The following DOP1B variants were observed in gnomAD, a reference collection of about 807,000 sequenced individuals.
The protein encoded by DOP1B is DOP1 leucine zipper like protein B.
Under a neutral mutation model 233.5 loss-of-function variants are expected in DOP1B, and 174 were observed. The ratio of observed to expected loss-of-function variants is 0.75; its 90% CI spans 0.66 to 0.85. The LOEUF (loss-of-function observed/expected upper bound fraction) is 0.85. Ranked by LOEUF, DOP1B falls within the 40% of genes least tolerant of loss-of-function variation. DOP1B has a pLI of 0.00. For synonymous variants in DOP1B, 1,190 were observed against 1,185.6 expected (o/e 1.00, Z -0.08); for missense variants, 2,652 against 2,846.6 (o/e 0.93, Z 1.56).
At chr21:36,256,391 T>TG (rs2067097591) in intron 23 of DOP1B, among the ~76,000 whole-genome samples, 1 of 152,072 alleles carries the variant, frequency 6.6e-6, no homozygotes, top group Admixed American at 6.6e-5. Flanking sequence ...CAGTGAGCTA[T>TG]GATTGAGCCA....
rs888356867 is a variant in DOP1B at position 36,222,223 on chromosome 21, A to G, written c.1251-1008A>G. On this transcript the variant is annotated intron_variant, in intron 10 of 36. Coordinates refer to ENST00000691173, the MANE Select transcript of DOP1B (RefSeq NM_001320714.2). ...TAGTGGTACACTTCTGCACACATCT[A>G]TGTAGCTGTGCAGGGATTTCGGTAG... Among the ~76,000 whole-genome samples, 8 of 152,140 alleles carry G rather than the reference A, an allele frequency of 5.3e-5. No individual in the cohort carries two copies. In the South Asian group the frequency reaches 1.5e-3, roughly 28 times the overall value.
chr21:36,270,255 G>T, intron 27 of DOP1B, 98 bp downstream of exon 27: 3 of 1,409,132 alleles, frequency 2.1e-6, no homozygotes, highest in Non-Finnish European at 2.9e-6. Context: ...CAAAAAGAAA[G>T]AAAGTACTTA....
Position 36,245,635 on chromosome 21 carries a change from G to T in DOP1B, c.3655G>T (p.Glu1219Ter). The part of the protein sequence containing the change: ...RLLKQQRERQ[E>*]AVEALFKHIL... Reference sequence around the variant, plus strand: ...GCTAAAGCAGCAGCGGGAAAGGCAGGAGGCCGTCGAGGCCTTGTTCAAGCA... The same window carrying T: ...GCTAAAGCAGCAGCGGGAAAGGCAGTAGGCCGTCGAGGCCTTGTTCAAGCA... The change falls in exon 19 of 37, where the codon GAG becomes TAG. Residue 1219 changes from glutamate (E) to a stop codon, truncating the protein, a stop_gained. Coordinates refer to ENST00000691173, the MANE Select transcript of DOP1B (RefSeq NM_001320714.2). LOFTEE classifies it high-confidence loss of function. This position sits in a 1 kb window ranked among gnomAD's most constrained non-coding sequence, Gnocchi z 5.5. 1 of 1,613,386 alleles carries T rather than the reference G, an allele frequency of 6.2e-7. No individual in the cohort carries two copies. Among genetic ancestry groups the T allele is most frequent in the Non-Finnish European group, 8.5e-7 (1 of 1,179,958 alleles).
At chr21:36,237,204 G>T in intron 15 of DOP1B, 58 bp from the exon 16 acceptor site, 1 of 1,608,950 alleles carries the variant, frequency 6.2e-7, no homozygotes, top group South Asian at 1.1e-5. Context: ...GTGAGGATGT[G>T]AGCGGATGTT....
intron 2 of DOP1B, chr21:36,169,029 TCTC>T: frequency 2.4e-6 from 2 of 839,678 alleles, no homozygotes; most frequent in South Asian, 2.6e-5. Context: ...AATGCTTTCT[TCTC>T]CTCCATGGTC....
At chr21:36,209,182 C>T (rs1432170937) in intron 5 of DOP1B, among the ~76,000 whole-genome samples, 1 of 152,222 alleles carries the variant, frequency 6.6e-6, no homozygotes, top group Non-Finnish European at 1.5e-5. Flanking sequence ...GGTGCAGTGG[C>T]ACAACCTCGA....
intron 24 of DOP1B, among the ~76,000 whole-genome samples, chr21:36,263,105 A>G (rs1040767247): frequency 6.6e-6 from 1 of 151,934 alleles, no homozygotes; most frequent in Non-Finnish European, 1.5e-5. Context: ...GTGGTGGCAC[A>G]TGCCTGTAAT....
intron 11 of DOP1B, among the ~76,000 whole-genome samples, chr21:36,225,285 A>C (rs904984552): frequency 6.6e-6 from 1 of 150,582 alleles, no homozygotes; most frequent in Non-Finnish European, 1.5e-5. Flanking sequence ...GCTGGAGTGC[A>C]GTGGTGCGAT....
At chr21:36,233,125 C>G (rs928155632) in intron 15 of DOP1B, 50 bp downstream of exon 15, 1 of 1,581,964 alleles carries the variant, frequency 6.3e-7, no homozygotes, top group Admixed American at 1.8e-5. Context: ...TCCCCCTGAG[C>G]AAAACTCAGA....
Position 36,245,935 on chromosome 21 carries a change from T to A in DOP1B, c.3955T>A (p.Cys1319Ser), listed in dbSNP as rs1179455870. 6.2e-7 allele frequency: 1 copy of A among 1,613,952 alleles called. No homozygotes were observed. Among genetic ancestry groups the A allele is most frequent in the Non-Finnish European group, 8.5e-7 (1 of 1,180,012 alleles). ...SLLLELLTYL[C>S]LSFLRSYYPC... is the part of the protein sequence containing the mutation. ...GCTCCTGGAGCTGCTCACCTACCTCTGCCTGAGCTTCCTGCGCTCCTACTA... is the reference window on the plus strand; with the variant it reads ...GCTCCTGGAGCTGCTCACCTACCTCAGCCTGAGCTTCCTGCGCTCCTACTA... The change falls in exon 19 of 37, where the codon TGC becomes AGC. Residue 1319 changes from cysteine (C) to serine (S), a missense_variant. Around this residue, in one of 3 missense-constraint regions of DOP1B, gnomAD observed 2,617 missense variants for 2,794.3 expected, o/e 0.94. Transcript: ENST00000691173. The surrounding 1 kb of genome is among the most constrained non-coding windows in gnomAD (Gnocchi z 5.5).
chr21:36,280,580 A>G (rs911253915), intron 31 of DOP1B, among the ~76,000 whole-genome samples: 3 of 152,214 alleles, frequency 2.0e-5, no homozygotes, highest in African/African-American at 4.8e-5. Flanking sequence ...TAGTGGAGAA[A>G]TACTGCCGAA....
At position 36,248,425 on chromosome 21, in the gene DOP1B, G is replaced by A; in HGVS notation, c.4855G>A (p.Ala1619Thr). ...TGCCAACTTGAGGAATGCCAGAAAT[G>A]CCATTTTGGAAGAGCTGCCTCGAAC... is the stretch of plus-strand genomic sequence containing the variant. ...DPANLRNARN[A>T]ILEELPRTVN... Residue 1619 changes from alanine to threonine, a missense_variant, in exon 21 of 37, where the codon GCC (alanine) becomes ACC (threonine). By Grantham distance (58) the Ala-to-Thr change is moderately conservative. This residue lies in a region of DOP1B where 2,617 missense variants were observed against 2,794.3 expected (regional missense o/e 0.94). Coordinates refer to ENST00000691173, the MANE Select transcript of DOP1B (RefSeq NM_001320714.2). 1 of 1,613,926 alleles carries A rather than the reference G, an allele frequency of 6.2e-7. No individual in the cohort carries two copies. Among genetic ancestry groups the A allele is most frequent in the Non-Finnish European group, 8.5e-7 (1 of 1,179,898 alleles).
At chr21:36,260,387 C>T (rs1012274510) in intron 23 of DOP1B, among the ~76,000 whole-genome samples, 1 of 152,120 alleles carries the variant, frequency 6.6e-6, no homozygotes, top group Non-Finnish European at 1.5e-5. Flanking sequence ...AGTTCGGTTA[C>T]AGTGCCAATT....
Position 36,245,892 on chromosome 21 carries a change from C to T in DOP1B, c.3912C>T (p.Asn1304=), listed in dbSNP as rs140969295. ...GAAAGCTCCAGACCCAGGTCCCCAACGTGTGCCCCCACTCTCTGCTCCTGG... is the reference window on the plus strand; with the variant it reads ...GAAAGCTCCAGACCCAGGTCCCCAATGTGTGCCCCCACTCTCTGCTCCTGG... ...FYGKLQTQVP[N]VCPHSLLLEL... The change falls in exon 19 of 37, where the codon AAC becomes AAT. Residue 1304 remains asparagine, a synonymous_variant. Coordinates refer to ENST00000691173, the MANE Select transcript of DOP1B (RefSeq NM_001320714.2). The surrounding 1 kb of genome is among the most constrained non-coding windows in gnomAD (Gnocchi z 5.5). 171 of 1,613,786 alleles carry T rather than the reference C, an allele frequency of 1.1e-4. 1 individual carries two copies. In the East Asian group the frequency reaches 2.5e-3, roughly 24 times the overall value.
intron 4 of DOP1B, among the ~76,000 whole-genome samples, chr21:36,202,971 T>C (rs1038122460): frequency 6.6e-6 from 1 of 152,238 alleles, no homozygotes; most frequent in African/African-American, 2.4e-5. Flanking sequence ...TCCTACATGA[T>C]TTTTCCATCA....
chr21:36,267,809 C>T (rs765374154), intron 26 of DOP1B, among the ~76,000 whole-genome samples: 1 of 151,934 alleles, frequency 6.6e-6, no homozygotes, highest in Non-Finnish European at 1.5e-5. Flanking sequence ...ATCAGTAGGA[C>T]CGTGATGCCC....
At chr21:36,244,362 G>A (rs35941561) in intron 18 of DOP1B, among the ~76,000 whole-genome samples, 2,706 of 151,916 alleles carry the variant, frequency 0.018, 35 homozygotes, top group South Asian at 0.041. Context: ...GTGACATTTC[G>A]GTGAATATCC....
intron 14 of DOP1B, among the ~76,000 whole-genome samples, 154 bp downstream of exon 14, chr21:36,231,288 C>T (rs373616470): frequency 4.6e-5 from 7 of 152,132 alleles, no homozygotes; most frequent in Admixed American, 4.6e-4. Flanking sequence ...TTACACTTAC[C>T]GATTCAGCAT....
chr21:36,249,848 C>T (rs1039643156), intron 21 of DOP1B, among the ~76,000 whole-genome samples: 4 of 152,196 alleles, frequency 2.6e-5, no homozygotes, highest in African/African-American at 7.2e-5. Context: ...CGTTGTTGGC[C>T]TCCAGACATT....
Sources: allele counts gnomAD v4.1 joint callset (sites outside exome capture counted in the v4.1 genomes callset), GRCh38; gene constraint gnomAD v4.1.1; regional missense constraint gnomAD v4.1.1; non-coding constraint Gnocchi (gnomAD v3.1); transcripts MANE v1.5; gene names NCBI Gene and HGNC (gene_info 2026-07-23, HGNC 2026-07-21).